USP12: variants seen among roughly 807,000 people sequenced by gnomAD.
USP12 encodes the protein ubiquitin specific peptidase 12.
A neutral mutation model predicts 45.5 loss-of-function variants in USP12; 19 were observed. The ratio of observed to expected loss-of-function variants is 0.42; its 90% CI spans 0.29 to 0.61. USP12 has a LOEUF of 0.61. USP12 is among the 20% of genes least tolerant of loss of function. The pLI is 0.22. For missense variants in USP12, 242 were observed against 447.7 expected (o/e 0.54, Z 4.15); for synonymous variants, 149 against 148.8 (o/e 1.00, Z -0.01).
chr13:27,108,150 T>C (rs1379282798), intron 2 of USP12, among the ~76,000 whole-genome samples: 5 of 151,598 alleles, frequency 3.3e-5, no homozygotes, highest in Non-Finnish European at 5.9e-5. Flanking sequence ...CCAACAATGA[T>C]AGACTGGATT....
rs59164229 is a variant in USP12 at position 27,148,676 on chromosome 13, T to TTATATATATA, written c.48+22906_48+22915dup. 1.5e-3 allele frequency among the ~76,000 whole-genome samples: 213 copies of TTATATATATA among 139,412 alleles called. 2 individuals are homozygous for TTATATATATA. Among genetic ancestry groups the TTATATATATA allele is most frequent in the African/African-American group, 4.9e-3 (186 of 37,662 alleles). 91.5% of individuals were successfully genotyped at this position (139,412 alleles called of 152,430 possible). A position where few individuals can be genotyped will look rare whatever the true frequency, so the allele number is the denominator to read the frequency against. On this transcript the variant is annotated intron_variant, in intron 1 of 8. Coordinates refer to ENST00000282344, the MANE Select transcript of USP12 (RefSeq NM_182488.4). ...GTGACAGAGACTCAAAAAAAAAAAA[T>TTATATATATA]TATATATATATATATAATATAAATA...
chr13:27,161,889 A>T (rs1232128129), intron 1 of USP12, among the ~76,000 whole-genome samples: 1 of 110,844 alleles, frequency 9.0e-6, no homozygotes, highest in Non-Finnish European at 2.0e-5. Context: ...CTCAAAAAAT[A>T]AAAAAAAATA....
intron 1 of USP12, among the ~76,000 whole-genome samples, chr13:27,152,506 G>C (rs1041384068): frequency 6.6e-6 from 1 of 152,102 alleles, no homozygotes; most frequent in Admixed American, 6.5e-5. Flanking sequence ...AAAAAGAATA[G>C]CTAAAGGGTA....
intron 6 of USP12, among the ~76,000 whole-genome samples, chr13:27,082,094 G>T (rs1350048115): frequency 6.6e-6 from 1 of 152,224 alleles, no homozygotes; most frequent in Non-Finnish European, 1.5e-5. Flanking sequence ...CAGAGAATCA[G>T]CCTGTCCTTT....
At chr13:27,126,921 T>G (rs548729446) in intron 1 of USP12, among the ~76,000 whole-genome samples, 11 of 152,268 alleles carry the variant, frequency 7.2e-5, no homozygotes, top group Admixed American at 2.6e-4. Flanking sequence ...GCAAACTTCC[T>G]TTGCCCATCT....
intron 1 of USP12, among the ~76,000 whole-genome samples, chr13:27,153,243 G>T (rs1166788171): frequency 6.6e-6 from 1 of 150,980 alleles, no homozygotes; most frequent in African/African-American, 2.4e-5. Context: ...TGAGGCAGAG[G>T]TTGCAGTGAG....
chr13:27,160,739 C>T (rs951927452), intron 1 of USP12, among the ~76,000 whole-genome samples: 48 of 152,020 alleles, frequency 3.2e-4, no homozygotes, highest in African/African-American at 1.0e-3. Context: ...CACTTGATTC[C>T]TATTCCTCAC....
intron 1 of USP12, among the ~76,000 whole-genome samples, chr13:27,144,837 A>G (rs1877240248): frequency 6.6e-6 from 1 of 151,472 alleles, no homozygotes; most frequent in Non-Finnish European, 1.5e-5. Context: ...AAACAGGCAG[A>G]TCCTTTAAGC....
At chr13:27,091,160 G>A (rs1238559392) in intron 4 of USP12, among the ~76,000 whole-genome samples, 2 of 151,182 alleles carry the variant, frequency 1.3e-5, no homozygotes, top group East Asian at 3.9e-4. Flanking sequence ...ACAACTCAGA[G>A]AGAAAAAAAG....
rs1046242629 is a variant in USP12, at chr13:27,067,165, C to T, written c.*2118G>A. The T allele has an allele frequency of 6.6e-6, 1 of 152,024 alleles. No individual in the cohort carries two copies. Among genetic ancestry groups the T allele is most frequent in the Non-Finnish European group, 1.5e-5 (1 of 68,010 alleles). The allele number at this position is 152,024 out of a possible 1,614,324, so 9.4% of individuals were successfully genotyped here. A position where few individuals can be genotyped will look rare whatever the true frequency, so the allele number is the denominator to read the frequency against. The stretch of plus-strand genomic sequence containing the variant: ...TGCAAAAATGTAAAAACAAACACAA[C>T]ATAGTATTTCAATGCTGTACCTTTA... On this transcript the variant is annotated 3_prime_UTR_variant, in exon 9 of 9. Coordinates refer to ENST00000282344, the MANE Select transcript of USP12 (RefSeq NM_182488.4).
rs1028267860 is a variant in USP12 at position 27,067,578 on chromosome 13, G to A, written c.*1705C>T. 8 of 152,126 alleles carry A rather than the reference G, an allele frequency of 5.3e-5. No homozygotes were observed. The highest frequency in any genetic ancestry group is 4.6e-4 in the Admixed American group (7 of 15,266). The allele number at this position is 152,126 out of a possible 1,614,324, so 9.4% of individuals were successfully genotyped here. ...ATCTGTTTAAGCAGCCCAATTAAGT[G>A]ACTCTGTTAAAGGTCTGCTTATGGA... On this transcript the variant is annotated 3_prime_UTR_variant, in exon 9 of 9. Transcript: ENST00000282344.
intron 1 of USP12, among the ~76,000 whole-genome samples, chr13:27,139,114 A>G (rs190845265): frequency 5.5e-4 from 84 of 152,326 alleles, no homozygotes; most frequent in Middle Eastern, 6.8e-3. Flanking sequence ...TCCCAGATTT[A>G]TGATTTCTTT....
intron 1 of USP12, among the ~76,000 whole-genome samples, chr13:27,147,142 G>A (rs1259640255): frequency 2.6e-5 from 4 of 152,132 alleles, no homozygotes; most frequent in African/African-American, 7.2e-5. Flanking sequence ...TCAATTTACG[G>A]TATCTGTTAG....
chr13:27,143,815 C>T (rs970725417), intron 1 of USP12, among the ~76,000 whole-genome samples: 2 of 152,136 alleles, frequency 1.3e-5, no homozygotes, highest in Non-Finnish European at 2.9e-5. Context: ...GAAAATATAA[C>T]GGATAGAAGA....
chr13:27,089,836 T>G, intron 6 of USP12, 47 bp downstream of exon 6: 1 of 1,576,250 alleles, frequency 6.3e-7, no homozygotes, highest in Non-Finnish European at 8.6e-7. Context: ...CCAACATCAA[T>G]TACAAAAAAT....
At chr13:27,144,130 G>A (rs1293380973) in intron 1 of USP12, among the ~76,000 whole-genome samples, 1 of 151,998 alleles carries the variant, frequency 6.6e-6, no homozygotes, top group Admixed American at 6.6e-5. Flanking sequence ...CTTCAGCCTG[G>A]GAGCTGAAGT....
intron 1 of USP12, among the ~76,000 whole-genome samples, chr13:27,153,394 T>C (rs1877673159): frequency 6.6e-6 from 1 of 152,254 alleles, no homozygotes; most frequent in Non-Finnish European, 1.5e-5. Context: ...AGATAAAACA[T>C]ATATACATAT....
intron 1 of USP12, among the ~76,000 whole-genome samples, chr13:27,121,042 C>G (rs994130923): frequency 6.6e-6 from 1 of 152,054 alleles, no homozygotes; most frequent in Non-Finnish European, 1.5e-5. Flanking sequence ...GAAACAGATG[C>G]TAAAACTTAG....
At position 27,067,055 on chromosome 13, in the gene USP12, T is replaced by G. The variant is rs1371145134; in HGVS notation, c.*2228A>C. 1 of 151,668 alleles carries G rather than the reference T, an allele frequency of 6.6e-6. No homozygotes were observed. The highest frequency in any genetic ancestry group is 6.6e-5 in the Admixed American group (1 of 15,222). The allele number at this position is 151,668 out of a possible 1,614,324, so 9.4% of individuals were successfully genotyped here. On this transcript the variant is annotated 3_prime_UTR_variant, in exon 9 of 9. Transcript: ENST00000282344. ...AGTACGGTGTAGATGTGAACAAGTATGTGATTACCAGGAACTCAACACATA... is the reference window on the plus strand; with the variant it reads ...AGTACGGTGTAGATGTGAACAAGTAGGTGATTACCAGGAACTCAACACATA...
Sources: allele counts gnomAD v4.1 joint callset (sites outside exome capture counted in the v4.1 genomes callset), GRCh38; gene constraint gnomAD v4.1.1; transcripts MANE v1.5; gene names NCBI Gene and HGNC (gene_info 2026-07-23, HGNC 2026-07-21).